PTPRN2: variants seen among roughly 807,000 people sequenced by gnomAD.
The protein encoded by PTPRN2 is receptor-type tyrosine-protein phosphatase N2.
A neutral mutation model predicts 118.8 loss-of-function variants in PTPRN2; 74 were observed. The observed-to-expected ratio is 0.62, with a 90% confidence interval of 0.52 to 0.76. The LOEUF is 0.76. Ranked by LOEUF, PTPRN2 falls within the 30% of genes least tolerant of loss-of-function variation. The pLI, the probability that PTPRN2 is intolerant of heterozygous loss-of-function variation, is 0.00. For missense variants in PTPRN2, 1,481 were observed against 1,394.4 expected, an observed-to-expected ratio of 1.06 and a Z score of -0.99; for synonymous variants, 641 against 608.0, an observed-to-expected ratio of 1.05 and a Z score of -0.80.
At chr7:157,989,627 G>A (rs1473311005) in intron 11 of PTPRN2, among the ~76,000 whole-genome samples, 1 of 151,112 alleles carries the variant, frequency 6.6e-6, no homozygotes, top group Non-Finnish European at 1.5e-5. Context: ...GGGGGTGGGT[G>A]CCTTCGTGGC....
intron 12 of PTPRN2, among the ~76,000 whole-genome samples, chr7:157,689,768 G>C (rs1797379072): frequency 6.6e-6 from 1 of 152,196 alleles, no homozygotes; most frequent in Non-Finnish European, 1.5e-5. Flanking sequence ...AGTTCTCTTT[G>C]GGGGAGGAGA....
At chr7:158,175,753 A>G (rs945987972) in intron 5 of PTPRN2, among the ~76,000 whole-genome samples, 1 of 152,216 alleles carries the variant, frequency 6.6e-6, no homozygotes, top group Non-Finnish European at 1.5e-5. Flanking sequence ...TATGAGGTTG[A>G]AGAGGTTAAG....
chr7:157,747,512 T>C (rs1801055341), intron 12 of PTPRN2, among the ~76,000 whole-genome samples: 1 of 110,800 alleles, frequency 9.0e-6, no homozygotes, highest in African/African-American at 3.9e-5. Context: ...AGCTGTGGGG[T>C]GTGCGGGTGA....
intron 17 of PTPRN2, among the ~76,000 whole-genome samples, chr7:157,594,604 G>A (rs1404985980): frequency 2.6e-5 from 4 of 152,230 alleles, no homozygotes; most frequent in African/African-American, 7.2e-5. Flanking sequence ...GCCGGTGCCT[G>A]TGCTCCTGCG....
At chr7:158,204,551 A>G (rs947188312) in intron 4 of PTPRN2, among the ~76,000 whole-genome samples, 4 of 152,182 alleles carry the variant, frequency 2.6e-5, no homozygotes, top group African/African-American at 9.7e-5. Flanking sequence ...TTTAAAAAAC[A>G]TGAAAAATAG....
intron 15 of PTPRN2, among the ~76,000 whole-genome samples, chr7:157,608,585 T>C (rs1451674547): frequency 6.6e-6 from 1 of 152,182 alleles, no homozygotes; most frequent in East Asian, 1.9e-4. Context: ...TGAGAGCAAA[T>C]AGGATGATGC....
intron 10 of PTPRN2, among the ~76,000 whole-genome samples, chr7:158,086,292 C>T (rs771935693): frequency 1.4e-4 from 21 of 151,508 alleles, no homozygotes; most frequent in Non-Finnish European, 2.2e-4. Flanking sequence ...GGCCTCTGCA[C>T]GATGAGATAA....
intron 12 of PTPRN2, among the ~76,000 whole-genome samples, chr7:157,805,630 G>C (rs534812924): frequency 1.3e-5 from 2 of 152,322 alleles, no homozygotes; most frequent in South Asian, 4.1e-4. Flanking sequence ...TGGCTCCACA[G>C]CCTGTTTGCC....
chr7:158,440,443 GAT>G (rs1816907470), intron 2 of PTPRN2, among the ~76,000 whole-genome samples: 3 of 151,820 alleles, frequency 2.0e-5, no homozygotes, highest in African/African-American at 7.3e-5. Context: ...TGGTGGTGAT[GAT>G]GGTGGTAATG....
chr7:158,159,256 T>C lies in PTPRN2; in HGVS notation c.910+7675A>G, dbSNP rs1822144205. ...ATAACCACGCGAAGCGTTGCATGGC[T>C]GGAGAGTTGCACGGCCGGCAGCAGA... On this transcript the variant is annotated intron_variant, in intron 6 of 22. Coordinates refer to ENST00000389418, the MANE Select transcript of PTPRN2 (RefSeq NM_002847.5). Among the ~76,000 whole-genome samples, 3 of 152,382 alleles carry C rather than the reference T, an allele frequency of 2.0e-5. No individual in the cohort carries two copies. In the South Asian group the frequency reaches 6.2e-4, roughly 32 times the overall value.
At chr7:157,994,553 AGC>A (rs1563309682) in intron 11 of PTPRN2, among the ~76,000 whole-genome samples, 13 of 143,162 alleles carry the variant, frequency 9.1e-5, no homozygotes, top group Admixed American at 4.2e-4. Context: ...TCCTAAAATC[AGC>A]ACCGCGTCCC....
At chr7:157,658,803 A>C (rs999164835) in intron 13 of PTPRN2, among the ~76,000 whole-genome samples, 1 of 152,192 alleles carries the variant, frequency 6.6e-6, no homozygotes, top group African/African-American at 2.4e-5. Flanking sequence ...AGCTCAACAG[A>C]AGAGGTGAAA....
chr7:157,553,300 T>C (rs1011483372), intron 21 of PTPRN2, among the ~76,000 whole-genome samples: 4 of 152,190 alleles, frequency 2.6e-5, no homozygotes, highest in African/African-American at 4.8e-5. Flanking sequence ...GTGTGTATGA[T>C]GGTGCTAGTG....
chr7:157,742,329 G>A (rs1030533544), intron 12 of PTPRN2, among the ~76,000 whole-genome samples: 106 of 152,132 alleles, frequency 7.0e-4, no homozygotes, highest in Non-Finnish European at 4.1e-4. Context: ...GTATTTAGAC[G>A]GGGCAGTCTC....
chr7:158,374,977 C>A (rs996384537), intron 2 of PTPRN2, among the ~76,000 whole-genome samples: 1 of 152,188 alleles, frequency 6.6e-6, no homozygotes, highest in African/African-American at 2.4e-5. Flanking sequence ...AAGGGTGGGG[C>A]TAAAATCCCT....
intron 1 of PTPRN2, among the ~76,000 whole-genome samples, chr7:158,564,138 C>G (rs1827541487): frequency 6.6e-6 from 1 of 152,222 alleles, no homozygotes; most frequent in Non-Finnish European, 1.5e-5. Flanking sequence ...TGTCCCGTAC[C>G]TCCACACAAA....
intron 12 of PTPRN2, among the ~76,000 whole-genome samples, chr7:157,776,159 C>T (rs1425786374): frequency 6.9e-6 from 1 of 145,080 alleles, no homozygotes; most frequent in African/African-American, 2.6e-5. Flanking sequence ...TCCTTTTTCA[C>T]CTCCTCCCTG....
chr7:158,340,703 A>C (rs1334754923), intron 2 of PTPRN2, among the ~76,000 whole-genome samples: 1 of 84,964 alleles, frequency 1.2e-5, no homozygotes, highest in Non-Finnish European at 2.6e-5. Flanking sequence ...TGAAACCTGC[A>C]GACGTCACTC....
At chr7:158,337,073 C>A (rs1415553909) in intron 2 of PTPRN2, among the ~76,000 whole-genome samples, 6 of 146,716 alleles carry the variant, frequency 4.1e-5, no homozygotes, top group Admixed American at 1.4e-4. Context: ...AGAGCTGACA[C>A]CCGCAGACGT....
Sources: gnomAD v4.1 joint callset for allele counts (sites outside exome capture counted in the v4.1 genomes callset) on GRCh38, gnomAD v4.1.1 for gene constraint, MANE v1.5 for transcripts, NCBI Gene and HGNC (gene_info 2026-07-23, HGNC 2026-07-21) for gene names.